Variants in WASHC2A observed in about 807,000 individuals in gnomAD.
WASHC2A encodes the protein WASH complex subunit 2A, also known as WASH complex subunit FAM21A.
A neutral mutation model predicts 140.3 loss-of-function variants in WASHC2A; 82 were observed. That is an observed-to-expected ratio of 0.58 (90% CI 0.49 to 0.70). WASHC2A has a LOEUF of 0.70. WASHC2A is among the 30% of genes least tolerant of loss of function. The pLI, the probability that WASHC2A is intolerant of heterozygous loss-of-function variation, is 0.00. For missense variants in WASHC2A, 985 were observed against 1,521.8 expected (o/e 0.65, Z 5.87); for synonymous variants, 340 against 560.8 (o/e 0.61, Z 5.56).
At chr10:50,086,686 A>C (rs1839417455) in intron 7 of WASHC2A, among the ~76,000 whole-genome samples, 1 of 132,096 alleles carries the variant, frequency 7.6e-6, no homozygotes, top group South Asian at 2.8e-4. Context: ...ATGAGTGAGA[A>C]TATGCGGTGT....
At chr10:50,078,820 G>A in intron 4 of WASHC2A, 83 bp downstream of exon 4, 2 of 1,596,294 alleles carry the variant, frequency 1.3e-6, no homozygotes, top group South Asian at 2.2e-5. Context: ...GGAACTGGGG[G>A]ATGGTGGGCG....
chr10:50,104,522 A>G lies in WASHC2A; in HGVS notation c.1737+379A>G, dbSNP rs183736851. Among the ~76,000 whole-genome samples, 168 of 152,008 alleles carry G rather than the reference A, an allele frequency of 1.1e-3. 1 individual carries two copies. In the East Asian group the frequency reaches 0.029, roughly 27 times the overall value. On this transcript the variant is annotated intron_variant, in intron 18 of 30. Transcript: ENST00000282633. ...CAGGCGTGCACCACCACTCCCGGCT[A>G]ATTTTTGTATTGTTAATAGAGACAG... is the stretch of plus-strand genomic sequence containing the variant.
At position 50,117,895 on chromosome 10, in the gene WASHC2A, T is replaced by C; in HGVS notation, c.2143-11T>C. On this transcript the variant is annotated splice_polypyrimidine_tract_variant and intron_variant, in intron 21 of 30. Transcript: ENST00000282633. ...TATTGTTGTGGATGTCATGTACTCT[T>C]CTTTTGGTAGAAAAAAGAGACTGTC... 6.8e-7 allele frequency: 1 copy of C among 1,466,232 alleles called. No individual in the cohort carries two copies. The highest frequency in any genetic ancestry group is 9.4e-7 in the Non-Finnish European group (1 of 1,060,684). The allele number at this position is 1,466,232 out of a possible 1,614,324, so 90.8% of individuals were successfully genotyped here.
intron 10 of WASHC2A, among the ~76,000 whole-genome samples, chr10:50,091,797 T>C (rs1242865446): frequency 2.3e-4 from 35 of 152,298 alleles, no homozygotes; most frequent in African/African-American, 7.7e-4. Context: ...CAGAGAACCA[T>C]GGGCAACAGC....
At position 50,069,579 on chromosome 10, in the gene WASHC2A, A is replaced by T. The variant is rs1837610259; in HGVS notation, c.159A>T (p.Gln53His). ...AGTTTCTACAGGAATTCTCACAGCA[A>T]ACTATCTCTAGGACCCATGAAATCA... Reference protein sequence around the residue: ...LLQFLQEFSQQTISRTHEIKK... With the variant: ...LLQFLQEFSQHTISRTHEIKK... The change falls in exon 3 of 31, where the codon CAA becomes CAT. Residue 53 changes from glutamine to histidine, a missense_variant. Transcript: ENST00000282633. The T allele has an allele frequency of 5.0e-6, 8 of 1,613,532 alleles. No homozygotes were observed. In the East Asian group the frequency reaches 1.8e-4, roughly 36 times the overall value.
intron 17 of WASHC2A, among the ~76,000 whole-genome samples, chr10:50,103,200 T>G (rs550895832): frequency 6.0e-4 from 92 of 152,088 alleles, no homozygotes; most frequent in African/African-American, 2.0e-3. Flanking sequence ...CAATGTCATA[T>G]ACCTATAGTT....
Position 50,078,699 on chromosome 10 carries a change from G to A in WASHC2A, c.316G>A (p.Glu106Lys). The A allele has an allele frequency of 3.7e-6, 6 of 1,611,874 alleles. No homozygotes were observed. The highest frequency in any genetic ancestry group is 5.1e-6 in the Non-Finnish European group (6 of 1,179,846). ...ENRVYDEEVE[E>K]PVLKAEAEKT... ...GCGTGTATATGATGAAGAAGTGGAG[G>A]AGCCAGTACTCAAGGCTGAGGCAGA... Residue 106 changes from glutamate to lysine, a missense_variant, in exon 4 of 31, where the codon GAG becomes AAG. Transcript: ENST00000282633.
chr10:50,105,720 A>C (rs1288075556), intron 18 of WASHC2A, among the ~76,000 whole-genome samples: 1 of 148,586 alleles, frequency 6.7e-6, no homozygotes, highest in Non-Finnish European at 1.5e-5. Context: ...ACTTTTGGGG[A>C]GTGCTTGACC....
At chr10:50,081,884 T>C (rs1468879947) in intron 5 of WASHC2A, among the ~76,000 whole-genome samples, 1 of 152,124 alleles carries the variant, frequency 6.6e-6, no homozygotes, top group African/African-American at 2.4e-5. Context: ...CCGCCTGCCT[T>C]GGCCTCCCAA....
chr10:50,128,328 A>G (rs1409865170), intron 28 of WASHC2A, among the ~76,000 whole-genome samples: 1 of 152,162 alleles, frequency 6.6e-6, no homozygotes, highest in Non-Finnish European at 1.5e-5. Flanking sequence ...CCTCCTCACC[A>G]GGAATGCTCC....
rs1471031652 is a variant in WASHC2A, at chr10:50,085,917, G to GA, written c.684+365dup. On this transcript the variant is annotated intron_variant, in intron 7 of 30. Transcript: ENST00000282633. ...ATTCTGTCTTTGAATAATTCTAAGG[G>GA]AAAAAATCTACATTTAGAACTTTTG... is the stretch of plus-strand genomic sequence containing the variant. Among the ~76,000 whole-genome samples the GA allele has an allele frequency of 1.4e-4, 22 of 152,000 alleles. No individual in the cohort carries two copies. The East Asian group carries it at 3.9e-3, about 27-fold the overall frequency.
intron 26 of WASHC2A, 185 bp downstream of exon 26, chr10:50,126,364 A>G: frequency 1.0e-5 from 9 of 887,862 alleles, no homozygotes; most frequent in Non-Finnish European, 1.4e-5. Flanking sequence ...CACACGCCAG[A>G]GTTTCATGAA....
intron 17 of WASHC2A, among the ~76,000 whole-genome samples, chr10:50,103,300 C>T (rs1243603056): frequency 1.3e-5 from 2 of 151,230 alleles, no homozygotes; most frequent in African/African-American, 4.8e-5. Context: ...TGGCTCAAGC[C>T]TGTAATCCCA....
chr10:50,110,919 T>C lies in WASHC2A; in HGVS notation c.2039+649T>C, dbSNP rs797043142. 3.6e-3 allele frequency among the ~76,000 whole-genome samples: 510 copies of C among 143,578 alleles called. 7 individuals carry two copies. In the East Asian group the frequency reaches 0.041, roughly 12 times the overall value. The allele number at this position is 143,578 out of a possible 152,430, so 94.2% of individuals were successfully genotyped here. On this transcript the variant is annotated intron_variant, in intron 20 of 30. Transcript: ENST00000282633. ...AAAAAAAAAAAAAAAAAAAAAAAGT[T>C]ATTTGAATAGAAATCTGCTCAGCAT...
rs1189917020 is a variant in WASHC2A at position 50,133,053 on chromosome 10, A to G, written c.*108A>G. On this transcript the variant is annotated 3_prime_UTR_variant, in exon 31 of 31. Transcript: ENST00000282633. ...GATTACAAAAAGCAAATACTAGAAC[A>G]GCTAGCTCATCGTTCACCCAATGTA... 31 of 1,595,450 alleles carry G rather than the reference A, an allele frequency of 1.9e-5. No individual in the cohort carries two copies. In the African/African-American group the frequency reaches 4.0e-4, roughly 21 times the overall value.
intron 15 of WASHC2A, among the ~76,000 whole-genome samples, chr10:50,097,085 C>G (rs1406819112): frequency 7.6e-6 from 1 of 131,258 alleles, no homozygotes; most frequent in Non-Finnish European, 1.8e-5. Flanking sequence ...GTGGAAAACA[C>G]AAATGGTAAG....
intron 17 of WASHC2A, among the ~76,000 whole-genome samples, chr10:50,102,508 G>A (rs1275202569): frequency 6.6e-6 from 1 of 152,062 alleles, no homozygotes; most frequent in South Asian, 2.1e-4. Flanking sequence ...ACATGCAGGA[G>A]GGACACGGGA....
intron 29 of WASHC2A, among the ~76,000 whole-genome samples, chr10:50,130,531 A>G (rs1378008342): frequency 6.6e-6 from 1 of 152,096 alleles, no homozygotes; most frequent in Non-Finnish European, 1.5e-5. Flanking sequence ...GAGAAGTGCT[A>G]GGCTCCTCAG....
intron 3 of WASHC2A, among the ~76,000 whole-genome samples, chr10:50,071,978 G>A (rs1262837240): frequency 2.0e-4 from 27 of 132,262 alleles, no homozygotes; most frequent in African/African-American, 7.2e-4. Context: ...ACACCATCTC[G>A]GCTCACTGCA....
Sources: gnomAD v4.1 joint callset for allele counts (sites outside exome capture counted in the v4.1 genomes callset) on GRCh38, gnomAD v4.1.1 for gene constraint, MANE v1.5 for transcripts, NCBI Gene and HGNC (gene_info 2026-07-23, HGNC 2026-07-21) for gene names.